The following IL4I1 variants were observed in gnomAD, a reference collection of about 807,000 sequenced individuals.
The protein encoded by IL4I1 is L-amino-acid oxidase.
IL4I1 carries 24 observed loss-of-function variants against 29.7 expected under a neutral mutation model. The ratio of observed to expected loss-of-function variants is 0.81; its 90% CI spans 0.59 to 1.14. The LOEUF (loss-of-function observed/expected upper bound fraction) is 1.14, where lower values mean the gene tolerates loss of function less well. IL4I1 is among the 50% of genes most tolerant of loss of function. The pLI is 0.00. For synonymous variants in IL4I1, 371 were observed against 352.5 expected (o/e 1.05, Z -0.59); for missense variants, 686 against 785.6 (o/e 0.87, Z 1.52).
intron 2 of IL4I1, among the ~76,000 whole-genome samples, chr19:49,916,972 G>A (rs181716397): frequency 3.3e-5 from 5 of 152,320 alleles, no homozygotes; most frequent in African/African-American, 7.2e-5. Flanking sequence ...CATGGCATTC[G>A]GCTGACAGCC....
intron 2 of IL4I1, among the ~76,000 whole-genome samples, chr19:49,906,231 C>CA (rs771954865): frequency 6.7e-4 from 102 of 152,040 alleles, no homozygotes; most frequent in Non-Finnish European, 1.4e-3. Context: ...TTTTTTGAGA[C>CA]AGAGTCTTGC....
intron 2 of IL4I1, among the ~76,000 whole-genome samples, chr19:49,912,739 G>A (rs956666348): frequency 5.4e-5 from 8 of 148,796 alleles, no homozygotes; most frequent in Non-Finnish European, 7.4e-5. Context: ...GGTGGCAGGC[G>A]CCTGTAGTCG....
intron 2 of IL4I1, among the ~76,000 whole-genome samples, chr19:49,923,077 T>TA (rs1020902131): frequency 1.3e-5 from 2 of 151,828 alleles, no homozygotes; most frequent in Non-Finnish European, 2.9e-5. Flanking sequence ...CTGTGTCCCT[T>TA]TTTTTTTGCA....
intron 2 of IL4I1, among the ~76,000 whole-genome samples, chr19:49,914,249 C>T (rs1471380499): frequency 2.6e-5 from 4 of 152,164 alleles, no homozygotes; most frequent in Non-Finnish European, 4.4e-5. Flanking sequence ...ACCACATTTG[C>T]CAAAGGGGAG....
chr19:49,909,351 T>C lies in IL4I1; in HGVS notation c.-227-5030A>G, dbSNP rs2075402227. 2 of 1,613,458 alleles carry C rather than the reference T, an allele frequency of 1.2e-6. No individual in the cohort carries two copies. The highest frequency in any genetic ancestry group is 1.7e-5 in the Admixed American group (1 of 59,972). ...GTGAATGAGAAGCCTCCAGATGTGG[T>C]AGCTGGAGCCACAGAGGTGGTGGAG... On this transcript the variant is annotated intron_variant, in intron 2 of 9. Transcript: ENST00000341114.
intron 2 of IL4I1, among the ~76,000 whole-genome samples, chr19:49,904,507 G>A (rs1438119670): frequency 6.6e-6 from 1 of 152,154 alleles, no homozygotes; most frequent in Admixed American, 6.5e-5. Context: ...TATTCAGAGT[G>A]GGGTGCTCAA....
chr19:49,891,250 G>A lies in IL4I1; in HGVS notation c.637-143C>T, dbSNP rs930727761. On this transcript the variant is annotated intron_variant, in intron 6 of 7. Transcript: ENST00000391826. ...CCACTCTCTGACAGATGAGGGAAAC[G>A]GAGGTCCAGACAGGGGGCGTGTCCA... The A allele has an allele frequency of 5.1e-5, 73 of 1,432,110 alleles. No individual in the cohort carries two copies. In the Admixed American group the frequency reaches 1.3e-3, roughly 25 times the overall value. The allele number at this position is 1,432,110 out of a possible 1,614,324, so 88.7% of individuals were successfully genotyped here.
Position 49,908,391 on chromosome 19 carries a change from G to T in IL4I1, c.-227-4070C>A, listed in dbSNP as rs1368744623. The T allele has an allele frequency of 5.0e-6, 8 of 1,614,092 alleles. No homozygotes were observed. Among genetic ancestry groups the T allele is most frequent in the Non-Finnish European group, 5.9e-6 (7 of 1,180,050 alleles). The stretch of plus-strand genomic sequence containing the variant: ...TGCGCATTGAGGATCTTGCAGATCT[G>T]CTGCAGTGGGTCACTGGTGTCGGCG... On this transcript the variant is annotated intron_variant, in intron 2 of 9. Transcript: ENST00000341114.
At chr19:49,893,557 T>C (rs73068085) in intron 5 of IL4I1, among the ~76,000 whole-genome samples, 273 of 151,672 alleles carry the variant, frequency 1.8e-3, no homozygotes, top group Non-Finnish European at 3.4e-3. Flanking sequence ...GAGGCAGATG[T>C]CTCCATCAGC....
chr19:49,904,469 C>G (rs2122562840), intron 2 of IL4I1: 1 of 152,282 alleles, frequency 6.6e-6, no homozygotes, highest in East Asian at 1.9e-4. Flanking sequence ...GGGCACAGAG[C>G]CTCCTGATTT....
At chr19:49,899,979 T>A (rs2075257386), upstream of IL4I1, among the ~76,000 whole-genome samples, 1 of 152,040 alleles carries the variant, frequency 6.6e-6, no homozygotes, top group Non-Finnish European at 1.5e-5. Context: ...GGACCACAGG[T>A]GCACACCACC....
intron 6 of IL4I1, 113 bp from the exon 7 acceptor site, chr19:49,891,220 T>C (rs1286849039): frequency 6.7e-6 from 10 of 1,481,606 alleles, no homozygotes; most frequent in Non-Finnish European, 9.2e-6. Flanking sequence ...CGTAGGATCC[T>C]GTCCCCACTC....
In IL4I1 at chr19:49,908,485, A is replaced by G. The variant is rs892028; in HGVS notation, c.-227-4164T>C. ...CCTGGGCCATGCGCTTGAGCTGTGC[A>G]TCGATGTTCTCAGCCAGCTTGTAGG... is the stretch of plus-strand genomic sequence containing the variant. On this transcript the variant is annotated intron_variant, in intron 2 of 9. Coordinates refer to the IL4I1 transcript ENST00000341114. 0.93 allele frequency: 1,504,438 copies of G among 1,614,114 alleles called. 701,542 individuals carry two copies. Among genetic ancestry groups the G allele is most frequent in the East Asian group, 1 (44,871 of 44,880 alleles).
chr19:49,919,372 C>T (rs920521170), intron 2 of IL4I1, among the ~76,000 whole-genome samples: 1 of 152,146 alleles, frequency 6.6e-6, no homozygotes, highest in Admixed American at 6.5e-5. Flanking sequence ...CACAAAAGGC[C>T]GCCTGCTACA....
chr19:49,908,617 C>A, intron 2 of IL4I1: 2 of 1,613,788 alleles, frequency 1.2e-6, no homozygotes, highest in South Asian at 1.1e-5. Flanking sequence ...TCTGCTGGGA[C>A]AGGATGAAGT....
At chr19:49,891,370 C>G in intron 6 of IL4I1, 35 bp downstream of exon 6, 1 of 1,604,146 alleles carries the variant, frequency 6.2e-7, no homozygotes, top group Non-Finnish European at 8.5e-7. Flanking sequence ...ACTCTCTTTG[C>G]CCTGCATCTC....
At chr19:49,892,811 G>T (rs1399279779) in intron 5 of IL4I1, among the ~76,000 whole-genome samples, 1 of 152,150 alleles carries the variant, frequency 6.6e-6, no homozygotes, top group Admixed American at 6.5e-5. Context: ...CCTGGACATG[G>T]CCCCCATCCT....
chr19:49,916,465 G>GT (rs2075626071), intron 2 of IL4I1, among the ~76,000 whole-genome samples: 1 of 145,362 alleles, frequency 6.9e-6, no homozygotes, highest in Non-Finnish European at 1.5e-5. Flanking sequence ...TTGTATTTTT[G>GT]TATCTCTACT....
At chr19:49,909,246 A>G in intron 2 of IL4I1, 1 of 1,614,026 alleles carries the variant, frequency 6.2e-7, no homozygotes, top group African/African-American at 1.3e-5. Context: ...GTGAAGGGCA[A>G]CGTGGCAGGT....
Sources: allele counts gnomAD v4.1 joint callset (sites outside exome capture counted in the v4.1 genomes callset), GRCh38; gene constraint gnomAD v4.1.1; transcripts MANE v1.5; gene names NCBI Gene and HGNC (gene_info 2026-07-23, HGNC 2026-07-21).